Variants in ZNF726 observed in about 807,000 individuals in gnomAD.
The protein encoded by ZNF726 is zinc finger protein 92 pseudogene 3.
A neutral mutation model predicts 11.6 loss-of-function variants in ZNF726; 15 were observed. The ratio of observed to expected loss-of-function variants is 1.29; its 90% CI spans 0.86 to 1.99. The LOEUF is 1.99. Ranked by LOEUF, ZNF726 falls within the 30% of genes most tolerant of loss-of-function variation. The probability of loss-of-function intolerance (pLI) is 0.00; values close to 1 mark genes in which losing one functional copy is unlikely to be tolerated. For synonymous variants in ZNF726, 295 were observed against 243.6 expected (o/e 1.21, Z -1.96); for missense variants, 890 against 725.6 (o/e 1.23, Z -2.60).
chr19:23,925,665 T>C (rs1967967118), intron 3 of ZNF726, among the ~76,000 whole-genome samples: 1 of 152,080 alleles, frequency 6.6e-6, no homozygotes, highest in Non-Finnish European at 1.5e-5. Context: ...TTTCAATTTG[T>C]CTATTTCTAA....
chr19:23,936,477 T>A (rs1048925194), downstream of ZNF726, among the ~76,000 whole-genome samples: 29 of 147,552 alleles, frequency 2.0e-4, no homozygotes, highest in Admixed American at 2.7e-4. Flanking sequence ...ATTCCTGGTG[T>A]ATTCACATGT....
chr19:23,937,130 CG>C (rs1185190270), downstream of ZNF726, among the ~76,000 whole-genome samples: 5 of 142,362 alleles, frequency 3.5e-5, no homozygotes, highest in Admixed American at 6.8e-5. Flanking sequence ...GCTGGCCGGG[CG>C]GGGGGGCTGA....
chr19:23,922,801 A>C (rs1967884575), intron 3 of ZNF726, among the ~76,000 whole-genome samples: 2 of 152,140 alleles, frequency 1.3e-5, no homozygotes. Flanking sequence ...CTTCAACTGT[A>C]ATGTACCATG....
At chr19:23,943,018 T>C (rs1430326657) in intron 3 of ZNF726, among the ~76,000 whole-genome samples, 2 of 152,128 alleles carry the variant, frequency 1.3e-5, no homozygotes, top group Non-Finnish European at 2.9e-5. Context: ...TTGGTGTTTT[T>C]TTTTGGGGAG....
downstream of ZNF726, among the ~76,000 whole-genome samples, chr19:23,934,673 G>A (rs180691987): frequency 6.6e-6 from 1 of 152,150 alleles, no homozygotes; most frequent in Non-Finnish European, 1.5e-5. Flanking sequence ...CAGACACACC[G>A]GGTTTGGATC....
At chr19:23,942,310 G>T (rs1249616159) in intron 3 of ZNF726, among the ~76,000 whole-genome samples, 1 of 152,098 alleles carries the variant, frequency 6.6e-6, no homozygotes, top group Non-Finnish European at 1.5e-5. Flanking sequence ...TTATTCCACT[G>T]TGCTCTGAGA....
chr19:23,926,962 C>T (rs1242512383), intron 3 of ZNF726, among the ~76,000 whole-genome samples: 4 of 151,942 alleles, frequency 2.6e-5, no homozygotes, highest in African/African-American at 9.7e-5. Context: ...TTAAAAAACC[C>T]CTATTTGGAT....
intron 3 of ZNF726, among the ~76,000 whole-genome samples, chr19:23,941,291 G>T (rs1456794853): frequency 1.3e-5 from 2 of 152,120 alleles, no homozygotes; most frequent in Admixed American, 1.3e-4. Flanking sequence ...TTGTTGACGT[G>T]TGTGTGTTAA....
chr19:23,923,335 C>T (rs548424967), intron 3 of ZNF726: 8 of 370,308 alleles, frequency 2.2e-5, no homozygotes, highest in African/African-American at 9.1e-5. Context: ...TTAAAAGTTT[C>T]TCATTAGCAT....
In ZNF726 at chr19:23,932,763, T is replaced by C; in HGVS notation, c.647T>C (p.Leu216Pro). The C allele has an allele frequency of 6.2e-7, 1 of 1,612,920 alleles. No individual in the cohort carries two copies. Among genetic ancestry groups the C allele is most frequent in the Non-Finnish European group, 8.5e-7 (1 of 1,179,692 alleles). ...AAAACCTTTAATTGGTCCTCAACCC[T>C]TACTAATCATAAGAAAACTCATACT... Reference protein sequence around the residue: ...CGKTFNWSSTLTNHKKTHTEE... With the variant: ...CGKTFNWSSTPTNHKKTHTEE... Residue 216 changes from leucine to proline, a missense_variant, in exon 4 of 4, where the codon CTT becomes CCT. Transcript: ENST00000594466.
chr19:23,936,671 C>T (rs1294820654), downstream of ZNF726, among the ~76,000 whole-genome samples: 2 of 151,342 alleles, frequency 1.3e-5, no homozygotes, highest in Non-Finnish European at 2.9e-5. Context: ...GGTAGGTGTT[C>T]AGAGTAATAT....
At chr19:23,926,770 ATT>A (rs1207787095) in intron 3 of ZNF726, among the ~76,000 whole-genome samples, 1 of 151,956 alleles carries the variant, frequency 6.6e-6, no homozygotes, top group Non-Finnish European at 1.5e-5. Flanking sequence ...AGAAGGGTTC[ATT>A]TCTGGGCTCT....
At chr19:23,915,078 G>C in intron 1 of ZNF726, 81 bp downstream of exon 1, 1 of 1,603,034 alleles carries the variant, frequency 6.2e-7, no homozygotes, top group East Asian at 2.2e-5. Flanking sequence ...GCGGGACTCA[G>C]GCCTCCTCGC....
At chr19:23,921,621 A>G (rs1296068983) in intron 3 of ZNF726, 2 of 152,116 alleles carry the variant, frequency 1.3e-5, no homozygotes, top group Non-Finnish European at 2.9e-5. Flanking sequence ...TTTGTTCTAA[A>G]ATTGATTATT....
In ZNF726 at chr19:23,933,788, A is replaced by G. The variant is rs1488682506; in HGVS notation, c.1672A>G (p.Ile558Val). 1.2e-6 allele frequency: 2 copies of G among 1,608,908 alleles called. No individual in the cohort carries two copies. Among genetic ancestry groups the G allele is most frequent in the Non-Finnish European group, 1.7e-6 (2 of 1,178,190 alleles). The change falls in exon 4 of 4, where the codon ATT becomes GTT. Residue 558 changes from isoleucine to valine, a missense_variant. Transcript: ENST00000594466. The part of the protein sequence containing the change: ...QSSNLSTHKI[I>V]HTGEKPYKCE... ...CTCAAATCTTAGTACACATAAGATA[A>G]TTCATACTGGAGAGAAACCTTACAA...
chr19:23,944,635 A>AT (rs56892863), intron 4 of ZNF726: 774 of 181,564 alleles, frequency 4.3e-3, no homozygotes, highest in African/African-American at 0.014. Context: ...CCTGTTGATT[A>AT]TTTTTTTTGC....
At position 23,933,625 on chromosome 19, in the gene ZNF726, T is replaced by C. The variant is rs1455470781; in HGVS notation, c.1509T>C (p.His503=). The C allele has an allele frequency of 1.9e-6, 3 of 1,610,610 alleles. No homozygotes were observed. Among genetic ancestry groups the C allele is most frequent in the East Asian group, 2.2e-5 (1 of 44,686 alleles). ...CCCTTACTGCACATAAGATAATTCA[T>C]ACTGGAGAGAAACCCTACAAATGTG... The part of the protein sequence containing the change: ...SSTLTAHKII[H]TGEKPYKCEE... Residue 503 remains histidine, a synonymous_variant, in exon 4 of 4, where the codon CAT becomes CAC. Coordinates refer to ENST00000594466, the MANE Select transcript of ZNF726 (RefSeq NM_001244038.2).
intron 3 of ZNF726, among the ~76,000 whole-genome samples, chr19:23,941,336 A>G (rs1443064771): frequency 6.6e-6 from 1 of 152,046 alleles, no homozygotes; most frequent in Non-Finnish European, 1.5e-5. Flanking sequence ...AACCCACTTG[A>G]TTATGGTGGA....
At position 23,914,947 on chromosome 19, in the gene ZNF726, G is replaced by T; in HGVS notation, c.-48G>T. The T allele has an allele frequency of 6.2e-7, 1 of 1,612,880 alleles. No individual in the cohort carries two copies. ...CACTACTCTGTGTCTTCTGCTTTTAGGGGCGCAGCCTCTGTGGCCCTGTGA... is the reference window on the plus strand; with the variant it reads ...CACTACTCTGTGTCTTCTGCTTTTATGGGCGCAGCCTCTGTGGCCCTGTGA... On this transcript the variant is annotated 5_prime_UTR_variant, in exon 1 of 4. It adds an upstream start codon to the 5' untranslated region. Coordinates refer to ENST00000594466, the MANE Select transcript of ZNF726 (RefSeq NM_001244038.2).
Sources: allele counts gnomAD v4.1 joint callset (sites outside exome capture counted in the v4.1 genomes callset), GRCh38; gene constraint gnomAD v4.1.1; transcripts MANE v1.5; gene names NCBI Gene and HGNC (gene_info 2026-07-23, HGNC 2026-07-21).